CAMK2G: variants seen among roughly 807,000 people sequenced by gnomAD.
The protein encoded by CAMK2G is calcium/calmodulin-dependent protein kinase type II subunit gamma.
In CAMK2G, 23 loss-of-function variants were observed where a neutral mutation model predicts 88.7. The ratio of observed to expected loss-of-function variants is 0.26; its 90% CI spans 0.19 to 0.37. The LOEUF is 0.37. CAMK2G is among the 10% of genes least tolerant of loss of function. CAMK2G has a pLI of 1.00. For missense variants in CAMK2G, 476 were observed against 780.8 expected, an observed-to-expected ratio of 0.61 and a Z score of 4.65; for synonymous variants, 263 against 294.8, an observed-to-expected ratio of 0.89 and a Z score of 1.11.
chr10:73,872,959 C>G (rs1041010710), intron 2 of CAMK2G, 30 bp downstream of exon 2: 1 of 1,443,108 alleles, frequency 6.9e-7, no homozygotes, highest in South Asian at 1.1e-5. Flanking sequence ...GAGGCACCCT[C>G]AGGAAGAGGT....
chr10:73,814,892 TG>T (rs1490094578), intron 22 of CAMK2G, 110 bp downstream of exon 22: 1 of 696,794 alleles, frequency 1.4e-6, no homozygotes, highest in Non-Finnish European at 2.4e-6. Context: ...GCCAGTCCTC[TG>T]GGACGGCCCA....
At chr10:73,831,918 T>A (rs1452741427) in intron 14 of CAMK2G, among the ~76,000 whole-genome samples, 1 of 151,622 alleles carries the variant, frequency 6.6e-6, no homozygotes, top group Non-Finnish European at 1.5e-5. Flanking sequence ...ATGTCTTACC[T>A]CTTTTCTTTT....
At chr10:73,861,426 G>T (rs558191690) in intron 2 of CAMK2G, among the ~76,000 whole-genome samples, 29 of 152,270 alleles carry the variant, frequency 1.9e-4, no homozygotes, top group Admixed American at 7.8e-4. Flanking sequence ...TGTGATCTCA[G>T]CTCACTGCAA....
intron 4 of CAMK2G, 122 bp from the exon 5 acceptor site, chr10:73,852,441 A>C (rs1454422425): frequency 5.4e-6 from 4 of 746,562 alleles, no homozygotes; most frequent in African/African-American, 5.2e-5. Flanking sequence ...CTCCCCATGC[A>C]TTTCATCTGA....
intron 15 of CAMK2G, among the ~76,000 whole-genome samples, chr10:73,827,269 C>T (rs550156960): frequency 2.0e-4 from 31 of 152,366 alleles, no homozygotes; most frequent in Non-Finnish European, 3.8e-4. Context: ...TCACTGCAAG[C>T]TCCGCCTCCT....
intron 14 of CAMK2G, among the ~76,000 whole-genome samples, chr10:73,829,686 T>TATATA (rs55702252): frequency 0.52 from 77,391 of 150,160 alleles, 20,916 homozygotes; most frequent in East Asian, 0.89. Context: ...TATATTCATA[T>TATATA]ATATAAGTAG....
In CAMK2G at chr10:73,848,210, GC is replaced by G. The variant is rs1048394879; in HGVS notation, c.602-129del. The G allele has an allele frequency of 2.7e-5, 18 of 677,980 alleles. No individual in the cohort carries two copies. Among genetic ancestry groups the G allele is most frequent in the Non-Finnish European group, 4.5e-5 (17 of 373,748 alleles). The allele number at this position is 677,980 out of a possible 1,614,324, so 42.0% of individuals were successfully genotyped here. A position where few individuals can be genotyped will look rare whatever the true frequency, so the allele number is the denominator to read the frequency against. On this transcript the variant is annotated intron_variant, in intron 8 of 22. Transcript: ENST00000423381. This position sits in a 1 kb window ranked among gnomAD's most constrained non-coding sequence, Gnocchi z 4.5. The stretch of plus-strand genomic sequence containing the variant: ...ATACCAGAGTCAGAAGTGGATGCCA[GC>G]CGATAATGCTATGCTACCAGCCCCT...
chr10:73,853,340 C>T (rs377393663), intron 3 of CAMK2G, 94 bp from the exon 4 acceptor site: 42 of 1,125,966 alleles, frequency 3.7e-5, no homozygotes, highest in Non-Finnish European at 3.6e-5. Context: ...CCCATCCTGT[C>T]GGGCTCACAG....
rs1167143111 is a variant in CAMK2G at position 73,839,670 on chromosome 10, C to T, written c.947-69G>A. The T allele has an allele frequency of 1.0e-6, 1 of 1,003,556 alleles. No homozygotes were observed. Among genetic ancestry groups the T allele is most frequent in the African/African-American group, 1.7e-5 (1 of 59,818 alleles). The allele number at this position is 1,003,556 out of a possible 1,614,324, so 62.2% of individuals were successfully genotyped here. On this transcript the variant is annotated intron_variant, in intron 12 of 22. Transcript: ENST00000423381. This position sits in a 1 kb window ranked among gnomAD's most constrained non-coding sequence, Gnocchi z 4.2. ...ACGGGGCCGTCAGCAGCGAGCATGC[C>T]CCAGCGCGAGGCGCAGCCCAGGCGG...
Position 73,827,932 on chromosome 10 carries a change from T to C in CAMK2G, c.1086+157A>G, listed in dbSNP as rs113475005. On this transcript the variant is annotated intron_variant, in intron 15 of 22. Transcript: ENST00000423381. ...TAGGCTACTGGGTGACCTTGGGCAA[T>C]GGCCCCCGCCTGGCAGGACAGGCCA... is the stretch of plus-strand genomic sequence containing the variant. 8.9e-4 allele frequency among the ~76,000 whole-genome samples: 135 copies of C among 152,342 alleles called. 8 individuals are homozygous for C. Among genetic ancestry groups the C allele is most frequent in the African/African-American group, 2.9e-3 (122 of 41,584 alleles).
intron 2 of CAMK2G, among the ~76,000 whole-genome samples, chr10:73,866,518 G>A (rs1259912523): frequency 1.3e-5 from 2 of 151,910 alleles, no homozygotes; most frequent in East Asian, 1.9e-4. Flanking sequence ...CTGCTGCCAC[G>A]TAAACATACA....
chr10:73,842,558 C>G lies in CAMK2G; in HGVS notation c.820-17G>C. ...GGATCGTTGCTAGAAACCAAACAGA[C>G]AGGCTATGAGCCCCAGCCCAGATCC... On this transcript the variant is annotated splice_polypyrimidine_tract_variant and intron_variant, in intron 10 of 22. Coordinates refer to ENST00000423381, the MANE Select transcript of CAMK2G (RefSeq NM_001367534.1). This position sits in a 1 kb window ranked among gnomAD's most constrained non-coding sequence, Gnocchi z 4.6. The G allele has an allele frequency of 6.3e-7, 1 of 1,589,512 alleles. No individual in the cohort carries two copies. Among genetic ancestry groups the G allele is most frequent in the Non-Finnish European group, 8.6e-7 (1 of 1,157,836 alleles).
At chr10:73,828,006 G>A (rs1013965073) in intron 15 of CAMK2G, 83 bp downstream of exon 15, 54 of 1,065,124 alleles carry the variant, frequency 5.1e-5, no homozygotes, top group Non-Finnish European at 7.5e-5. Flanking sequence ...TGAGGCACAC[G>A]CACGTGGCAG....
chr10:73,866,305 C>A (rs879446268), intron 2 of CAMK2G, among the ~76,000 whole-genome samples: 2 of 152,110 alleles, frequency 1.3e-5, no homozygotes, highest in Non-Finnish European at 2.9e-5. Flanking sequence ...AAGGGGTGCA[C>A]CAAGCCTGCC....
chr10:73,828,749 G>T (rs1438177648), intron 14 of CAMK2G, among the ~76,000 whole-genome samples: 2 of 152,136 alleles, frequency 1.3e-5, no homozygotes, highest in African/African-American at 4.8e-5. Context: ...TGCAATTCGT[G>T]GAAAATAGAA....
In CAMK2G at chr10:73,842,811, A is replaced by G. The variant is rs533336799; in HGVS notation, c.820-270T>C. Among the ~76,000 whole-genome samples, 1 of 152,286 alleles carries G rather than the reference A, an allele frequency of 6.6e-6. No individual in the cohort carries two copies. Among genetic ancestry groups the G allele is most frequent in the East Asian group, 1.9e-4 (1 of 5,188 alleles). ...AGACCGTCCTATTCTTCCTTGGGAA[A>G]CAGAGGCTACCGAACAGGAGAGTAC... On this transcript the variant is annotated intron_variant, in intron 10 of 22. Transcript: ENST00000423381. The surrounding 1 kb of genome is among the most constrained non-coding windows in gnomAD (Gnocchi z 4.6).
intron 1 of CAMK2G, among the ~76,000 whole-genome samples, 184 bp downstream of exon 1, chr10:73,874,213 C>A (rs1358551116): frequency 8.4e-6 from 1 of 118,654 alleles, no homozygotes; most frequent in Non-Finnish European, 1.7e-5. Context: ...TGCTGCAGGG[C>A]GCGGAGGGGG....
At chr10:73,834,750 G>A (rs975495379) in intron 14 of CAMK2G, among the ~76,000 whole-genome samples, 2 of 152,186 alleles carry the variant, frequency 1.3e-5, no homozygotes. Flanking sequence ...GCTGGGCCCT[G>A]GATGTGCATG....
rs768575004 is a variant in CAMK2G, at chr10:73,825,281, T to C, written c.1153A>G (p.Met385Val). 1.9e-6 allele frequency: 3 copies of C among 1,611,074 alleles called. No individual in the cohort carries two copies. Among genetic ancestry groups the C allele is most frequent in the South Asian group, 2.2e-5 (2 of 91,012 alleles). The stretch of plus-strand genomic sequence containing the variant: ...GAGAAGCTGTAGTCAGGAGGTACCA[T>C]GGCCGTCTGCAAGGGCGCGGGCTCT... ...AQEPAPLQTA[M>V]EPQTTVVHNA... The change falls in exon 16 of 23, where the codon ATG (methionine) becomes GTG (valine). Residue 385 changes from methionine to valine, a missense_variant and splice_region_variant. Physicochemically the swap from Met to Val is conservative, Grantham distance 21. This residue lies in a region of CAMK2G where 278 missense variants were observed against 366.5 expected (regional missense o/e 0.76). Coordinates refer to ENST00000423381, the MANE Select transcript of CAMK2G (RefSeq NM_001367534.1).
Sources: allele counts gnomAD v4.1 joint callset (sites outside exome capture counted in the v4.1 genomes callset), GRCh38; gene constraint gnomAD v4.1.1; regional missense constraint gnomAD v4.1.1; non-coding constraint Gnocchi (gnomAD v3.1); transcripts MANE v1.5; gene names NCBI Gene and HGNC (gene_info 2026-07-23, HGNC 2026-07-21).